The following PCED1B variants were observed in gnomAD, a reference collection of about 807,000 sequenced individuals.
The protein encoded by PCED1B is PC-esterase domain containing 1B.
For missense variants in PCED1B, 573 were observed against 573.9 expected (o/e 1.00, Z 0.02); for synonymous variants, 251 against 246.1 (o/e 1.02, Z -0.19).
chr12:47,180,815 C>T (rs1312874019), intron 2 of PCED1B, among the ~76,000 whole-genome samples: 2 of 152,140 alleles, frequency 1.3e-5, no homozygotes, highest in Admixed American at 6.5e-5. Flanking sequence ...GACATTCATG[C>T]AGCCAACAAA....
intron 1 of PCED1B, among the ~76,000 whole-genome samples, chr12:47,088,604 T>C (rs1278621498): frequency 6.6e-6 from 1 of 152,132 alleles, no homozygotes; most frequent in Non-Finnish European, 1.5e-5. Context: ...ATAATAATAA[T>C]CACTTTCTCC....
intron 2 of PCED1B, among the ~76,000 whole-genome samples, chr12:47,160,291 T>C (rs1941330357): frequency 7.8e-6 from 1 of 127,896 alleles, no homozygotes; most frequent in Admixed American, 8.8e-5. Context: ...CTTTTTCTTT[T>C]TCTTTTTTTT....
In PCED1B at chr12:47,179,786, G is replaced by A. The variant is rs146957904; in HGVS notation, c.-525-36436G>A. Among the ~76,000 whole-genome samples, 48 of 152,180 alleles carry A rather than the reference G, an allele frequency of 3.2e-4. No homozygotes were observed. The East Asian group carries it at 4.1e-3, about 13-fold the overall frequency. On this transcript the variant is annotated intron_variant, in intron 2 of 3. Transcript: ENST00000546455. ...TACTCTTCTAGAGACTGAGGGTACA[G>A]CAGAGGCAAAACAGACCATAATCTC...
At chr12:47,213,465 AATGTATATAT>A (rs1328963703) in intron 2 of PCED1B, among the ~76,000 whole-genome samples, 1 of 152,228 alleles carries the variant, frequency 6.6e-6, no homozygotes, top group Non-Finnish European at 1.5e-5. Context: ...AGCTGAAATT[AATGTATATAT>A]ATGTATATAT....
chr12:47,099,780 C>G (rs854900), intron 1 of PCED1B, among the ~76,000 whole-genome samples: 147,094 of 152,316 alleles, frequency 0.97, 71,068 homozygotes, highest in East Asian at 1. Context: ...TAAAGTGTTG[C>G]TTAAAGAAGC....
intron 1 of PCED1B, among the ~76,000 whole-genome samples, chr12:47,089,806 C>G (rs1316833789): frequency 1.3e-5 from 2 of 151,862 alleles, no homozygotes; most frequent in Non-Finnish European, 2.9e-5. Context: ...CAGAGCCTTG[C>G]TGTGTCACCC....
intron 2 of PCED1B, among the ~76,000 whole-genome samples, chr12:47,172,340 C>CTTTTTTTTTTTTTT (rs34230051): frequency 1.1e-3 from 89 of 78,268 alleles, no homozygotes; most frequent in Non-Finnish European, 1.8e-3. Flanking sequence ...TCGTGGGTTG[C>CTTTTTTTTTTTTTT]TTTTTTTTTT....
At chr12:47,117,838 T>C (rs1033444997) in intron 2 of PCED1B, among the ~76,000 whole-genome samples, 1 of 152,228 alleles carries the variant, frequency 6.6e-6, no homozygotes, top group African/African-American at 2.4e-5. Context: ...TTCCTATTTC[T>C]CCACATCCTC....
chr12:47,187,905 C>T (rs749587248), intron 2 of PCED1B: 5 of 154,120 alleles, frequency 3.2e-5, no homozygotes, highest in Middle Eastern at 5.2e-4. Flanking sequence ...CTTTCACCTG[C>T]GCCTCTTCCA....
intron 2 of PCED1B, among the ~76,000 whole-genome samples, chr12:47,113,708 T>C (rs1023280794): frequency 2.0e-4 from 31 of 152,150 alleles, no homozygotes; most frequent in African/African-American, 7.5e-4. Flanking sequence ...TTTTTAAGAA[T>C]GTAATTTTAA....
chr12:47,169,040 A>G (rs1232164542), intron 2 of PCED1B, among the ~76,000 whole-genome samples: 1 of 152,220 alleles, frequency 6.6e-6, no homozygotes, highest in Non-Finnish European at 1.5e-5. Context: ...TCTCACTTCT[A>G]GGTTGTTTGC....
At chr12:47,081,711 G>A (rs958915916) in intron 1 of PCED1B, among the ~76,000 whole-genome samples, 3 of 152,100 alleles carry the variant, frequency 2.0e-5, no homozygotes, top group Admixed American at 6.5e-5. Context: ...AATTAAAATC[G>A]CTCAGAGGAA....
chr12:47,126,934 G>A (rs906384133), intron 2 of PCED1B, among the ~76,000 whole-genome samples: 1 of 152,014 alleles, frequency 6.6e-6, no homozygotes, highest in Non-Finnish European at 1.5e-5. Context: ...CAATGTAGTT[G>A]ATTTTTCTCA....
At chr12:47,217,496 GA>G (rs1349612574) in intron 3 of PCED1B, among the ~76,000 whole-genome samples, 1 of 129,228 alleles carries the variant, frequency 7.7e-6, no homozygotes, top group Non-Finnish European at 1.6e-5. Flanking sequence ...AAGAAAGAAA[GA>G]AAGAAAGAAA....
intron 3 of PCED1B, among the ~76,000 whole-genome samples, chr12:47,228,487 G>T (rs891222457): frequency 5.3e-5 from 8 of 152,150 alleles, no homozygotes; most frequent in Non-Finnish European, 1.0e-4. Context: ...AAAGATAAGA[G>T]AAGATCCTTC....
chr12:47,207,569 A>G (rs1942949556), intron 2 of PCED1B, among the ~76,000 whole-genome samples: 1 of 152,206 alleles, frequency 6.6e-6, no homozygotes, highest in Non-Finnish European at 1.5e-5. Context: ...TTCTCTTAGC[A>G]TGGGTGACAG....
At chr12:47,098,288 C>A (rs541700413) in intron 1 of PCED1B, among the ~76,000 whole-genome samples, 9 of 152,226 alleles carry the variant, frequency 5.9e-5, no homozygotes, top group South Asian at 2.1e-4. Context: ...CTATGGACTG[C>A]AGCTGAGAGC....
At chr12:47,160,147 A>G (rs775789858) in intron 2 of PCED1B, among the ~76,000 whole-genome samples, 1 of 152,090 alleles carries the variant, frequency 6.6e-6, no homozygotes, top group East Asian at 1.9e-4. Flanking sequence ...ACAGCCTTGA[A>G]ATATATCTTG....
intron 2 of PCED1B, among the ~76,000 whole-genome samples, chr12:47,179,787 C>A (rs114152368): frequency 0.036 from 5,497 of 152,136 alleles, 338 homozygotes; most frequent in African/African-American, 0.13. Flanking sequence ...GAGGGTACAG[C>A]AGAGGCAAAA....
Sources: gnomAD v4.1 joint callset for allele counts (sites outside exome capture counted in the v4.1 genomes callset) on GRCh38, gnomAD v4.1.1 for gene constraint, MANE v1.5 for transcripts, NCBI Gene and HGNC (gene_info 2026-07-23, HGNC 2026-07-21) for gene names.